SNTG1: variants seen among roughly 807,000 people sequenced by gnomAD.
The protein encoded by SNTG1 is gamma-1-syntrophin.
Under a neutral mutation model 74.7 loss-of-function variants are expected in SNTG1, and 39 were observed. The ratio of observed to expected loss-of-function variants is 0.52; its 90% CI spans 0.40 to 0.68. SNTG1 has a LOEUF of 0.68. Ranked by LOEUF, SNTG1 falls within the 30% of genes least tolerant of loss-of-function variation. The pLI is 0.00. For missense variants in SNTG1, 685 were observed against 609.5 expected (o/e 1.12, Z -1.30); for synonymous variants, 254 against 217.1 (o/e 1.17, Z -1.49).
chr8:50,761,447 C>T (rs113566804), intron 18 of SNTG1, among the ~76,000 whole-genome samples: 2,072 of 151,922 alleles, frequency 0.014, 25 homozygotes, highest in Middle Eastern at 0.048. Context: ...CAGTCACCCC[C>T]GCTTAGGTTG....
rs1347321799 is a variant in SNTG1 at position 50,376,750 on chromosome 8, T to TAG, written c.-27-17461_-27-17460insGA. Among the ~76,000 whole-genome samples, 633 of 102,698 alleles carry TAG rather than the reference T, an allele frequency of 6.2e-3. 3 individuals are homozygous for TAG. The highest frequency in any genetic ancestry group is 9.4e-3 in the African/African-American group (287 of 30,424). 67.4% of individuals were successfully genotyped at this position (102,698 alleles called of 152,430 possible). On this transcript the variant is annotated intron_variant, in intron 2 of 18. Transcript: ENST00000642720. ...TAAATTATATATATATATATATATATATATATAGAGAGAGAGAGAGAGAGA... is the reference window on the plus strand; with the variant it reads ...TAAATTATATATATATATATATATATAGATATATAGAGAGAGAGAGAGAGAGA...
intron 1 of SNTG1, among the ~76,000 whole-genome samples, chr8:50,103,779 G>C (rs2080249005): frequency 6.6e-6 from 1 of 152,042 alleles, no homozygotes; most frequent in East Asian, 1.9e-4. Flanking sequence ...AAGAGTTGTT[G>C]AATTTTGTCA....
At chr8:50,737,183 G>C (rs146337346) in intron 17 of SNTG1, among the ~76,000 whole-genome samples, 28 of 152,024 alleles carry the variant, frequency 1.8e-4, no homozygotes, top group African/African-American at 5.8e-4. Context: ...AAGAAGAAAA[G>C]AGAAAAGAGT....
Position 50,194,332 on chromosome 8 carries a change from C to T in SNTG1, c.-28+21697C>T, listed in dbSNP as rs537269567. 5.3e-5 allele frequency among the ~76,000 whole-genome samples: 8 copies of T among 152,138 alleles called. 1 individual carries two copies. The highest frequency in any genetic ancestry group is 1.7e-4 in the African/African-American group (7 of 41,530). ...GTTTTGTTGGCAATTTTCAAATTAG[C>T]ATTTCCATCTCCCTGCTTGATATTG... On this transcript the variant is annotated intron_variant, in intron 2 of 18. Coordinates refer to ENST00000642720, the MANE Select transcript of SNTG1 (RefSeq NM_018967.5).
intron 18 of SNTG1, among the ~76,000 whole-genome samples, chr8:50,780,600 CTTT>C: frequency 6.6e-6 from 1 of 152,200 alleles, no homozygotes; most frequent in South Asian, 2.1e-4. Flanking sequence ...CTCTTTTCTT[CTTT>C]ATTAGCCTTG....
chr8:50,563,582 T>A (rs757479721), intron 12 of SNTG1, among the ~76,000 whole-genome samples: 9 of 152,150 alleles, frequency 5.9e-5, no homozygotes, highest in South Asian at 2.1e-4. Flanking sequence ...AAATTTTTTT[T>A]AAATAAATTT....
At chr8:50,620,230 G>C (rs1441025212) in intron 13 of SNTG1, among the ~76,000 whole-genome samples, 13 of 152,076 alleles carry the variant, frequency 8.5e-5, no homozygotes, top group African/African-American at 2.7e-4. Context: ...TGCATCCCTT[G>C]TCTCTCTCCA....
intron 2 of SNTG1, among the ~76,000 whole-genome samples, chr8:50,299,885 A>G (rs978079451): frequency 6.6e-6 from 1 of 152,062 alleles, no homozygotes; most frequent in African/African-American, 2.4e-5. Flanking sequence ...CATTTACTAA[A>G]CTTTGGTGAT....
chr8:50,206,891 C>A (rs557793551), intron 2 of SNTG1, among the ~76,000 whole-genome samples: 7 of 152,218 alleles, frequency 4.6e-5, no homozygotes, highest in African/African-American at 1.7e-4. Flanking sequence ...TATGTTGAAC[C>A]AGACTTTCAT....
chr8:49,942,432 G>C (rs1490542441), intron 1 of SNTG1, among the ~76,000 whole-genome samples: 1 of 152,070 alleles, frequency 6.6e-6, no homozygotes, highest in African/African-American at 2.4e-5. Context: ...TCTTACACTA[G>C]TATGGTATAT....
chr8:50,727,792 C>G (rs1235301406), intron 17 of SNTG1, among the ~76,000 whole-genome samples: 3 of 152,148 alleles, frequency 2.0e-5, no homozygotes, highest in African/African-American at 7.2e-5. Flanking sequence ...GCTATGGATG[C>G]TGATTTATTC....
intron 3 of SNTG1, among the ~76,000 whole-genome samples, chr8:50,395,059 T>G (rs1235450639): frequency 2.0e-5 from 3 of 152,172 alleles, no homozygotes; most frequent in African/African-American, 7.2e-5. Context: ...ACTTCAGTTC[T>G]TAACCTTGTG....
chr8:50,375,536 G>A (rs1477145465), intron 2 of SNTG1, among the ~76,000 whole-genome samples: 1 of 152,138 alleles, frequency 6.6e-6, no homozygotes, highest in African/African-American at 2.4e-5. Context: ...GATACTCCAG[G>A]CAGAGGGAAA....
intron 5 of SNTG1, among the ~76,000 whole-genome samples, chr8:50,445,545 T>A (rs1239054864): frequency 6.6e-6 from 1 of 152,172 alleles, no homozygotes; most frequent in African/African-American, 2.4e-5. Context: ...ATGCTTTAGA[T>A]GGAATTATAC....
intron 1 of SNTG1, among the ~76,000 whole-genome samples, chr8:49,916,249 C>T (rs1008704684): frequency 2.6e-5 from 4 of 151,528 alleles, no homozygotes; most frequent in African/African-American, 7.3e-5. Flanking sequence ...TGAAAAAGAA[C>T]TGAGAGTAAG....
upstream of SNTG1, among the ~76,000 whole-genome samples, chr8:49,910,220 G>T (rs1239039142): frequency 6.6e-6 from 1 of 152,170 alleles, no homozygotes; most frequent in African/African-American, 2.4e-5. Context: ...CGCCGGGGAA[G>T]GGAGGCCAGG....
intron 2 of SNTG1, among the ~76,000 whole-genome samples, chr8:50,301,887 C>T (rs569790182): frequency 2.7e-5 from 4 of 150,454 alleles, no homozygotes; most frequent in African/African-American, 9.9e-5. Context: ...GACAGAGTCT[C>T]GCTCTGTTGC....
chr8:50,297,616 G>C (rs561677588), intron 2 of SNTG1, among the ~76,000 whole-genome samples: 47 of 152,148 alleles, frequency 3.1e-4, no homozygotes, highest in Non-Finnish European at 6.2e-4. Context: ...AGGTGGGGAG[G>C]CTACACAGTG....
At chr8:50,611,942 G>A (rs931337367) in intron 13 of SNTG1, among the ~76,000 whole-genome samples, 1 of 151,988 alleles carries the variant, frequency 6.6e-6, no homozygotes, top group African/African-American at 2.4e-5. Flanking sequence ...ATTTTTTGTG[G>A]AGACTGGGTC....
Sources: allele counts gnomAD v4.1 joint callset (sites outside exome capture counted in the v4.1 genomes callset), GRCh38; gene constraint gnomAD v4.1.1; transcripts MANE v1.5; gene names NCBI Gene and HGNC (gene_info 2026-07-23, HGNC 2026-07-21).